CAMSAP1: variants seen among roughly 807,000 people sequenced by gnomAD.
CAMSAP1 encodes the protein calmodulin regulated spectrin associated protein 1.
CAMSAP1 carries 58 observed loss-of-function variants against 143.5 expected under a neutral mutation model. The ratio of observed to expected loss-of-function variants is 0.40; its 90% CI spans 0.33 to 0.50. The LOEUF (loss-of-function observed/expected upper bound fraction) is 0.50. CAMSAP1 is among the 20% of genes least tolerant of loss of function. CAMSAP1 has a pLI of 0.45. For synonymous variants in CAMSAP1, 945 were observed against 859.3 expected, an observed-to-expected ratio of 1.10 and a Z score of -1.74; for missense variants, 1,969 against 2,115.7, an observed-to-expected ratio of 0.93 and a Z score of 1.36.
rs1050023748 is a variant in CAMSAP1, at chr9:135,904,645, T to C, written c.160+2355A>G. ...TATGCTCCCCCTGTGAAGCAAACTATAGAATGTAAAAGCCCTCTCTCGGCA... is the reference window on the plus strand; with the variant it reads ...TATGCTCCCCCTGTGAAGCAAACTACAGAATGTAAAAGCCCTCTCTCGGCA... On this transcript the variant is annotated intron_variant, in intron 1 of 16. Transcript: ENST00000389532. 5.9e-5 allele frequency among the ~76,000 whole-genome samples: 9 copies of C among 151,862 alleles called. No homozygotes were observed. The East Asian group carries it at 1.6e-3, about 26-fold the overall frequency.
At chr9:135,849,270 A>T (rs546654417) in intron 7 of CAMSAP1, among the ~76,000 whole-genome samples, 2 of 152,350 alleles carry the variant, frequency 1.3e-5, no homozygotes, top group African/African-American at 4.8e-5. Context: ...CGTGTAATTT[A>T]CTGAATGCTG....
chr9:135,822,823 T>A lies in CAMSAP1; in HGVS notation c.1838A>T (p.Asp613Val). 3 of 1,613,692 alleles carry A rather than the reference T, an allele frequency of 1.9e-6. No individual in the cohort carries two copies. Among genetic ancestry groups the A allele is most frequent in the Non-Finnish European group, 2.5e-6 (3 of 1,179,814 alleles). ...AKEKQVITKEDERGEGRPRSI... is the reference protein window; with the variant it reads ...AKEKQVITKEVERGEGRPRSI... ...CCTCGGTCTCCCTTCCCCCCGTTCA[T>A]CCTCCTTGGTGATCACCTGCTTCTC... Residue 613 changes from aspartate to valine, a missense_variant, in exon 11 of 17, where the codon GAT (aspartate) becomes GTT (valine). Coordinates refer to ENST00000389532, the MANE Select transcript of CAMSAP1 (RefSeq NM_015447.4). The surrounding 1 kb of genome is among the most constrained non-coding windows in gnomAD (Gnocchi z 6.1).
At chr9:135,856,385 T>C (rs929931454) in intron 5 of CAMSAP1, among the ~76,000 whole-genome samples, 2 of 152,172 alleles carry the variant, frequency 1.3e-5, no homozygotes, top group Non-Finnish European at 2.9e-5. Context: ...TGGGGGAAAC[T>C]GCCCCTGTGA....
chr9:135,828,247 G>C (rs1355757833), intron 7 of CAMSAP1, among the ~76,000 whole-genome samples: 2 of 152,260 alleles, frequency 1.3e-5, no homozygotes, highest in African/African-American at 2.4e-5. Context: ...TAACCTATGG[G>C]AGGTGGTGCC....
At chr9:135,905,825 T>C (rs1369579133) in intron 1 of CAMSAP1, among the ~76,000 whole-genome samples, 1 of 152,220 alleles carries the variant, frequency 6.6e-6, no homozygotes, top group Non-Finnish European at 1.5e-5. Flanking sequence ...GCGTCCGCTC[T>C]CGGGCTGTTC....
chr9:135,896,309 T>C (rs1838450186), intron 1 of CAMSAP1, among the ~76,000 whole-genome samples: 2 of 152,108 alleles, frequency 1.3e-5, no homozygotes, highest in Admixed American at 6.5e-5. Context: ...CATTACATAA[T>C]GATAAAAGGA....
intron 3 of CAMSAP1, among the ~76,000 whole-genome samples, chr9:135,878,699 G>C (rs1315395445): frequency 6.6e-6 from 1 of 152,322 alleles, no homozygotes; most frequent in Admixed American, 6.5e-5. Context: ...GCGCGGGTGA[G>C]AGAGTTTGCT....
intron 7 of CAMSAP1, among the ~76,000 whole-genome samples, chr9:135,839,568 C>T (rs752738374): frequency 1.3e-5 from 2 of 152,156 alleles, no homozygotes; most frequent in African/African-American, 2.4e-5. Flanking sequence ...CAGAGAATCA[C>T]GCGACATTAA....
Position 135,822,348 on chromosome 9 carries a change from G to A in CAMSAP1, c.2313C>T (p.Ala771=), listed in dbSNP as rs1000417605. 6.2e-7 allele frequency: 1 copy of A among 1,613,868 alleles called. No individual in the cohort carries two copies. Among genetic ancestry groups the A allele is most frequent in the African/African-American group, 1.3e-5 (1 of 74,926 alleles). ...FSRYIGEEES[A]KLQEDMKVKE... ...TCACCTTCATGTCCTCCTGCAGTTT[G>A]GCCGACTCTTCCTCCCCAATGTATC... is the stretch of plus-strand genomic sequence containing the variant. The change falls in exon 11 of 17, where the codon GCC becomes GCT. Residue 771 remains alanine (A), a synonymous_variant. Transcript: ENST00000389532. This position sits in a 1 kb window ranked among gnomAD's most constrained non-coding sequence, Gnocchi z 6.1.
At chr9:135,817,238 T>C (rs980275347) in intron 14 of CAMSAP1, among the ~76,000 whole-genome samples, 3 of 152,190 alleles carry the variant, frequency 2.0e-5, no homozygotes, top group Non-Finnish European at 4.4e-5. Context: ...TTGGGATAAC[T>C]GAGGACAGCT....
intron 7 of CAMSAP1, among the ~76,000 whole-genome samples, chr9:135,843,657 G>A (rs1157502061): frequency 6.6e-6 from 1 of 151,926 alleles, no homozygotes; most frequent in Non-Finnish European, 1.5e-5. Flanking sequence ...GGATCACGAG[G>A]TCAGGAGATC....
intron 1 of CAMSAP1, among the ~76,000 whole-genome samples, chr9:135,890,054 A>C (rs889384437): frequency 6.9e-6 from 1 of 144,102 alleles, no homozygotes; most frequent in Admixed American, 6.8e-5. Context: ...GTGGGATGGG[A>C]GGGAGCCTCC....
intron 7 of CAMSAP1, among the ~76,000 whole-genome samples, chr9:135,843,103 GA>G (rs1836419585): frequency 6.6e-6 from 1 of 152,086 alleles, no homozygotes; most frequent in South Asian, 2.1e-4. Flanking sequence ...CGTGGCAGGT[GA>G]ATTACCTGAG....
chr9:135,894,502 C>T (rs1048229587), intron 1 of CAMSAP1, among the ~76,000 whole-genome samples: 2 of 152,226 alleles, frequency 1.3e-5, no homozygotes, highest in Admixed American at 6.5e-5. Flanking sequence ...CCATGTCCAT[C>T]CAGAGGCAGC....
chr9:135,880,144 A>G (rs572411832), intron 3 of CAMSAP1, among the ~76,000 whole-genome samples: 1 of 152,312 alleles, frequency 6.6e-6, no homozygotes, highest in South Asian at 2.1e-4. Context: ...ATTAAAGAAA[A>G]GCTAAAATTT....
At chr9:135,897,690 G>C (rs948324012) in intron 1 of CAMSAP1, among the ~76,000 whole-genome samples, 1 of 152,106 alleles carries the variant, frequency 6.6e-6, no homozygotes, top group African/African-American at 2.4e-5. Context: ...TGATATCAAT[G>C]ACTTACGAGA....
At chr9:135,873,868 T>C (rs1218462240) in intron 3 of CAMSAP1, among the ~76,000 whole-genome samples, 1 of 152,192 alleles carries the variant, frequency 6.6e-6, no homozygotes, top group Non-Finnish European at 1.5e-5. Flanking sequence ...CAACTCACTT[T>C]TTTAGCCCAA....
chr9:135,838,268 C>T (rs1237888026), intron 7 of CAMSAP1, among the ~76,000 whole-genome samples: 23 of 149,414 alleles, frequency 1.5e-4, no homozygotes, highest in Non-Finnish European at 3.0e-4. Flanking sequence ...CATGTCATCA[C>T]GCACTTTCTA....
At chr9:135,872,858 A>T (rs1837614904) in intron 3 of CAMSAP1, among the ~76,000 whole-genome samples, 1 of 152,234 alleles carries the variant, frequency 6.6e-6, no homozygotes, top group African/African-American at 2.4e-5. Context: ...TACACAAAGT[A>T]AAAACTGACA....
Sources: allele counts gnomAD v4.1 joint callset (sites outside exome capture counted in the v4.1 genomes callset), GRCh38; gene constraint gnomAD v4.1.1; non-coding constraint Gnocchi (gnomAD v3.1); transcripts MANE v1.5; gene names NCBI Gene and HGNC (gene_info 2026-07-23, HGNC 2026-07-21).